SUPT3H: variants seen among roughly 807,000 people sequenced by gnomAD.
SUPT3H encodes SPT3 homolog, SAGA and STAGA complex component.
SUPT3H carries 44 observed loss-of-function variants against 44.3 expected under a neutral mutation model. The ratio of observed to expected loss-of-function variants is 0.99; its 90% confidence interval spans 0.78 to 1.28. The LOEUF (loss-of-function observed/expected upper bound fraction) is 1.28. Among genes scored for constraint, SUPT3H ranks in the 50% most tolerant of loss-of-function variants. The pLI is 0.00. For synonymous variants in SUPT3H, 124 were observed against 125.6 expected (o/e 0.99, Z 0.09); for missense variants, 380 against 387.1 (o/e 0.98, Z 0.15).
intron 10 of SUPT3H, among the ~76,000 whole-genome samples, chr6:44,922,463 CTATT>C (rs1461602339): frequency 1.3e-5 from 2 of 152,170 alleles, no homozygotes; most frequent in East Asian, 1.9e-4. Context: ...TTATGTAACA[CTATT>C]TAAGAAATCA....
intron 2 of SUPT3H, among the ~76,000 whole-genome samples, chr6:45,253,373 A>G (rs1195511859): frequency 2.0e-5 from 3 of 152,220 alleles, no homozygotes; most frequent in Non-Finnish European, 4.4e-5. Context: ...TAACTATCTA[A>G]TTATCAAGCA....
intron 2 of SUPT3H, among the ~76,000 whole-genome samples, chr6:45,253,457 A>T (rs1772738530): frequency 6.6e-6 from 1 of 152,106 alleles, no homozygotes; most frequent in Non-Finnish European, 1.5e-5. Context: ...TAATTGATCC[A>T]CTTCTCCATT....
At chr6:45,284,444 C>T (rs552833762) in intron 2 of SUPT3H, among the ~76,000 whole-genome samples, 3 of 152,268 alleles carry the variant, frequency 2.0e-5, no homozygotes, top group Admixed American at 6.5e-5. Flanking sequence ...TACAAACTAT[C>T]ATCAGAGAAT....
chr6:45,272,991 C>T (rs1488633506), intron 2 of SUPT3H, among the ~76,000 whole-genome samples: 1 of 152,178 alleles, frequency 6.6e-6, no homozygotes, highest in Admixed American at 6.5e-5. Context: ...CACATTTCAA[C>T]TCCTGTTACA....
intron 2 of SUPT3H, among the ~76,000 whole-genome samples, chr6:45,288,589 ATATATATGTG>A (rs1562882809): frequency 0.012 from 431 of 37,142 alleles, 12 homozygotes; most frequent in African/African-American, 0.027. Flanking sequence ...ATATGTATAT[ATATATATGTG>A]TATATATATA....
At chr6:45,021,649 T>C (rs1173263925) in intron 3 of SUPT3H, among the ~76,000 whole-genome samples, 1 of 152,016 alleles carries the variant, frequency 6.6e-6, no homozygotes, top group African/African-American at 2.4e-5. Context: ...CTAACACATT[T>C]TCTTGAGAAC....
chr6:45,280,073 T>C (rs923291315), intron 2 of SUPT3H, among the ~76,000 whole-genome samples: 1 of 152,156 alleles, frequency 6.6e-6, no homozygotes, highest in Non-Finnish European at 1.5e-5. Flanking sequence ...TTTAAATATA[T>C]CGAGAATCTA....
At chr6:45,207,459 A>T (rs1763375407) in intron 2 of SUPT3H, among the ~76,000 whole-genome samples, 1 of 152,208 alleles carries the variant, frequency 6.6e-6, no homozygotes, top group Non-Finnish European at 1.5e-5. Context: ...AAATTATGCT[A>T]AAAAGGAAGC....
chr6:45,136,815 G>C lies in SUPT3H; in HGVS notation c.102-30809C>G, dbSNP rs141580382. ...ACATAAGTGTTCTGGACACACAAGTGTACCAATGTGCATATAACAGAGTCT... is the reference window on the plus strand; with the variant it reads ...ACATAAGTGTTCTGGACACACAAGTCTACCAATGTGCATATAACAGAGTCT... On this transcript the variant is annotated intron_variant, in intron 2 of 10. Coordinates refer to ENST00000371459, the MANE Select transcript of SUPT3H (RefSeq NM_003599.4). 1.8e-4 allele frequency among the ~76,000 whole-genome samples: 27 copies of C among 152,136 alleles called. No individual in the cohort carries two copies. In the East Asian group the frequency reaches 4.8e-3, roughly 27 times the overall value.
At chr6:45,355,996 T>C (rs750947510) in intron 2 of SUPT3H, among the ~76,000 whole-genome samples, 31 of 152,270 alleles carry the variant, frequency 2.0e-4, no homozygotes, top group South Asian at 1.5e-3. Context: ...AGAACTCTAC[T>C]AGCCATGGCA....
intron 3 of SUPT3H, among the ~76,000 whole-genome samples, chr6:45,049,010 G>A (rs191391447): frequency 2.0e-5 from 3 of 152,096 alleles, no homozygotes; most frequent in South Asian, 2.1e-4. Context: ...ATGTATTCTC[G>A]CAAATTGCTA....
At chr6:44,910,537 C>A (rs975944269) in intron 10 of SUPT3H, among the ~76,000 whole-genome samples, 1 of 152,152 alleles carries the variant, frequency 6.6e-6, no homozygotes, top group African/African-American at 2.4e-5. Flanking sequence ...AAGACAGTCA[C>A]TGAAATACTT....
chr6:44,891,096 T>C (rs571816161), intron 10 of SUPT3H, among the ~76,000 whole-genome samples: 110 of 152,106 alleles, frequency 7.2e-4, no homozygotes, highest in Non-Finnish European at 1.1e-3. Context: ...ACCTGTACAT[T>C]CTGCACATGT....
chr6:44,904,557 A>G (rs1265662654), intron 10 of SUPT3H, among the ~76,000 whole-genome samples: 3 of 152,198 alleles, frequency 2.0e-5, no homozygotes, highest in Admixed American at 6.5e-5. Flanking sequence ...ATGCTCATGG[A>G]TAGGAAGAAT....
intron 2 of SUPT3H, among the ~76,000 whole-genome samples, chr6:45,121,518 T>TGGG (rs35707096): frequency 5.8e-4 from 82 of 142,534 alleles, no homozygotes; most frequent in South Asian, 1.1e-3. Flanking sequence ...TGAAATTATG[T>TGGG]GGGGGGGGGG....
At chr6:45,230,725 C>T (rs1266280398) in intron 2 of SUPT3H, among the ~76,000 whole-genome samples, 1 of 134,488 alleles carries the variant, frequency 7.4e-6, no homozygotes, top group Non-Finnish European at 1.6e-5. Flanking sequence ...CAGGCTGCAG[C>T]GCAGTGGCAC....
chr6:44,866,777 T>C (rs960617543), intron 10 of SUPT3H, among the ~76,000 whole-genome samples: 9 of 149,550 alleles, frequency 6.0e-5, no homozygotes, highest in East Asian at 2.0e-4. Context: ...GCTACTTGAG[T>C]TGAAGTTCTA....
intron 6 of SUPT3H, among the ~76,000 whole-genome samples, chr6:44,979,352 G>GATAGGTTTCAATGAACAAA (rs1437548190): frequency 1.3e-5 from 2 of 152,188 alleles, no homozygotes; most frequent in African/African-American, 4.8e-5. Flanking sequence ...TTGATAGGTT[G>GATAGGTTTCAATGAACAAA]ATAGGTTTCA....
intron 2 of SUPT3H, among the ~76,000 whole-genome samples, chr6:45,341,617 A>T (rs1789795998): frequency 1.3e-5 from 2 of 152,224 alleles, no homozygotes; most frequent in Admixed American, 1.3e-4. Context: ...CATAAAGAGT[A>T]CAATGGCATA....
Sources: gnomAD v4.1 joint callset for allele counts (sites outside exome capture counted in the v4.1 genomes callset) on GRCh38, gnomAD v4.1.1 for gene constraint, MANE v1.5 for transcripts, NCBI Gene and HGNC (gene_info 2026-07-23, HGNC 2026-07-21) for gene names.